The following LRRFIP2 variants were observed in gnomAD, a reference collection of about 807,000 sequenced individuals.
LRRFIP2 encodes LRR binding FLII interacting protein 2, also known as leucine-rich repeat flightless-interacting protein 2.
In LRRFIP2, 109 loss-of-function variants were observed where a neutral mutation model predicts 125.9. The ratio of observed to expected loss-of-function variants is 0.87; its 90% confidence interval spans 0.74 to 1.01. LRRFIP2 has a LOEUF of 1.01. Among genes scored for constraint, LRRFIP2 ranks in the 50% least tolerant of loss-of-function variants. The pLI, the probability that LRRFIP2 is intolerant of heterozygous loss-of-function variation, is 0.00. For synonymous variants in LRRFIP2, 291 were observed against 293.1 expected (o/e 0.99, Z 0.07); for missense variants, 850 against 862.3 (o/e 0.99, Z 0.18).
At position 37,121,422 on chromosome 3, in the gene LRRFIP2, G is replaced by A. The variant is rs1354120895; in HGVS notation, c.330+70C>T. ...AGAAATACAGGAACATTGTCAGATTGTTTAGGCAACATTATTGAAGAAAGC... is the reference window on the plus strand; with the variant it reads ...AGAAATACAGGAACATTGTCAGATTATTTAGGCAACATTATTGAAGAAAGC... On this transcript the variant is annotated intron_variant, in intron 6 of 27. Transcript: ENST00000336686. 3 of 1,411,490 alleles carry A rather than the reference G, an allele frequency of 2.1e-6. No homozygotes were observed. In the East Asian group the frequency reaches 6.9e-5, roughly 32 times the overall value. The allele number at this position is 1,411,490 out of a possible 1,614,324, so 87.4% of individuals were successfully genotyped here.
chr3:37,171,968 T>C (rs1460253833), intron 1 of LRRFIP2, among the ~76,000 whole-genome samples: 1 of 152,202 alleles, frequency 6.6e-6, no homozygotes, highest in African/African-American at 2.4e-5. Flanking sequence ...CACCTGACAC[T>C]CAAATGTTTT....
rs1319950447 is a variant in LRRFIP2 at position 37,060,642 on chromosome 3, T to C, written c.1750-1732A>G. On this transcript the variant is annotated intron_variant, in intron 24 of 27. Transcript: ENST00000336686. The surrounding 1 kb of genome is among the most constrained non-coding windows in gnomAD (Gnocchi z 4.1). ...ACTTCCACAGCTTCCTACCACTGAA[T>C]CTAGAAATGGAATAGGTGTCCTCTT... Among the ~76,000 whole-genome samples, 1 of 151,640 alleles carries C rather than the reference T, an allele frequency of 6.6e-6. No homozygotes were observed. Among genetic ancestry groups the C allele is most frequent in the Admixed American group, 6.6e-5 (1 of 15,218 alleles).
chr3:37,091,482 C>G lies in LRRFIP2; in HGVS notation c.1092G>C (p.Gly364=). Residue 364 remains glycine (G), a synonymous_variant, in exon 18 of 28, where the codon GGG becomes GGC. Coordinates refer to ENST00000336686, the MANE Select transcript of LRRFIP2 (RefSeq NM_006309.4). ...IQDVEGRYMQ[G]LKELKESLSE... is the part of the protein sequence containing the mutation. ...GCCCTGATACCTTTAGTTCTTTAAG[C>G]CCCTGCATGTATCTCCCTTCTACAT... 1 of 1,611,912 alleles carries G rather than the reference C, an allele frequency of 6.2e-7. No homozygotes were observed. The highest frequency in any genetic ancestry group is 1.3e-5 in the African/African-American group (1 of 74,940).
chr3:37,058,091 C>A (rs568355684), intron 25 of LRRFIP2, among the ~76,000 whole-genome samples: 3 of 152,252 alleles, frequency 2.0e-5, no homozygotes, highest in African/African-American at 7.2e-5. Flanking sequence ...TTATCCAAGA[C>A]AAATTCCAGA....
At chr3:37,098,694 G>A (rs1037909441) in intron 15 of LRRFIP2, among the ~76,000 whole-genome samples, 1 of 151,914 alleles carries the variant, frequency 6.6e-6, no homozygotes, top group Non-Finnish European at 1.5e-5. Flanking sequence ...TGCCTGGCCT[G>A]AAATTTGTTT....
At chr3:37,056,819 A>G (rs1205481459) in intron 25 of LRRFIP2, among the ~76,000 whole-genome samples, 1 of 152,120 alleles carries the variant, frequency 6.6e-6, no homozygotes, top group African/African-American at 2.4e-5. Context: ...AAGTATTCCT[A>G]TTTCTGAGCC....
chr3:37,143,456 T>G (rs1397199350), intron 2 of LRRFIP2: 1 of 206,480 alleles, frequency 4.8e-6, no homozygotes, highest in Admixed American at 5.0e-5. Flanking sequence ...AGAGACAAAC[T>G]GTAACACACA....
intron 2 of LRRFIP2, among the ~76,000 whole-genome samples, chr3:37,135,764 C>T (rs973099721): frequency 2.6e-5 from 4 of 152,078 alleles, no homozygotes; most frequent in Non-Finnish European, 5.9e-5. Context: ...ACTAGGATTG[C>T]TATGATAAAA....
chr3:37,151,749 C>T (rs913627176), intron 1 of LRRFIP2, among the ~76,000 whole-genome samples: 1 of 152,040 alleles, frequency 6.6e-6, no homozygotes, highest in African/African-American at 2.4e-5. Context: ...AGGCGTATGC[C>T]ACCATGCCCA....
chr3:37,094,237 C>T (rs2093612530), intron 17 of LRRFIP2, among the ~76,000 whole-genome samples: 1 of 152,084 alleles, frequency 6.6e-6, no homozygotes, highest in Non-Finnish European at 1.5e-5. Context: ...GCAGGTTCAG[C>T]AAATAAAATA....
chr3:37,151,441 G>A (rs1052573807), intron 1 of LRRFIP2, among the ~76,000 whole-genome samples: 5 of 151,994 alleles, frequency 3.3e-5, no homozygotes, highest in African/African-American at 1.2e-4. Flanking sequence ...AACAACTCCT[G>A]ATAAGGACAG....
chr3:37,151,551 A>ACT (rs1197335553), intron 1 of LRRFIP2, among the ~76,000 whole-genome samples: 1 of 152,070 alleles, frequency 6.6e-6, no homozygotes, highest in Non-Finnish European at 1.5e-5. Context: ...GGAAATGTAA[A>ACT]CTAGTACAAC....
intron 15 of LRRFIP2, 49 bp from the exon 16 acceptor site, chr3:37,096,709 CT>C (rs748498893): frequency 1.9e-5 from 22 of 1,140,316 alleles, no homozygotes; most frequent in East Asian, 5.3e-5. Flanking sequence ...AGCAAGTTGA[CT>C]TTTTTTGGGA....
intron 15 of LRRFIP2, among the ~76,000 whole-genome samples, chr3:37,101,801 AGAG>A (rs1439240692): frequency 6.6e-6 from 1 of 152,212 alleles, no homozygotes; most frequent in Admixed American, 6.5e-5. Context: ...TGCCAGCAAG[AGAG>A]GAGAAGCGTC....
intron 21 of LRRFIP2, chr3:37,067,936 T>C (rs1315651102): frequency 6.6e-6 from 1 of 152,188 alleles, no homozygotes; most frequent in Non-Finnish European, 1.5e-5. Context: ...CCCTTATTGT[T>C]AGCCCAGATG....
chr3:37,073,512 C>T (rs1040550302), intron 20 of LRRFIP2, among the ~76,000 whole-genome samples: 3 of 152,084 alleles, frequency 2.0e-5, no homozygotes, highest in African/African-American at 7.2e-5. Flanking sequence ...TTATGTCCTC[C>T]TTTCCCTACT....
intron 19 of LRRFIP2, among the ~76,000 whole-genome samples, chr3:37,080,177 A>T (rs1487519206): frequency 6.6e-6 from 1 of 152,116 alleles, no homozygotes; most frequent in Non-Finnish European, 1.5e-5. Flanking sequence ...AGGTGGGTGG[A>T]TCACCTGAGG....
chr3:37,145,907 C>T (rs4678939), intron 2 of LRRFIP2, among the ~76,000 whole-genome samples: 53,422 of 151,970 alleles, frequency 0.35, 10,563 homozygotes, highest in Non-Finnish European at 0.45. Flanking sequence ...CAATGGTTTC[C>T]GCATCTGCAA....
At chr3:37,088,392 A>G (rs1165501642) in intron 18 of LRRFIP2, among the ~76,000 whole-genome samples, 1 of 151,970 alleles carries the variant, frequency 6.6e-6, no homozygotes, top group Non-Finnish European at 1.5e-5. Context: ...TAAAAAGAAC[A>G]TTGGCCAGGC....
Sources: allele counts gnomAD v4.1 joint callset (sites outside exome capture counted in the v4.1 genomes callset), GRCh38; gene constraint gnomAD v4.1.1; non-coding constraint Gnocchi (gnomAD v3.1); transcripts MANE v1.5; gene names NCBI Gene and HGNC (gene_info 2026-07-23, HGNC 2026-07-21).